Variants in RBX1 observed in about 807,000 individuals in gnomAD.
RBX1 encodes the protein ring-box 1, also known as E3 ubiquitin-protein ligase RBX1.
For missense variants in RBX1, 46 were observed against 141.4 expected (o/e 0.33, Z 3.42); for synonymous variants, 48 against 47.9 (o/e 1.00, Z -0.01).
intron 4 of RBX1, 138 bp downstream of exon 4, chr22:40,968,022 C>A: frequency 9.3e-6 from 4 of 430,702 alleles, no homozygotes; most frequent in Admixed American, 3.5e-5. Flanking sequence ...TAGGACTTAT[C>A]TATATGGAAA....
In RBX1 at chr22:40,964,025, C is replaced by A. The variant is rs769124444; in HGVS notation, c.158-22C>A. ...GTTGCTGCTCCCAAGGTCCAGTGAT[C>A]CTGTTGCTCTTGTTCCCACAGGCAT... On this transcript the variant is annotated intron_variant, in intron 2 of 4. Transcript: ENST00000216225. 2.5e-6 allele frequency: 4 copies of A among 1,604,048 alleles called. No homozygotes were observed. The South Asian group carries it at 4.4e-5, about 18-fold the overall frequency.
intron 1 of RBX1, among the ~76,000 whole-genome samples, chr22:40,951,892 C>T (rs1034506775): frequency 1.3e-5 from 2 of 152,034 alleles, no homozygotes; most frequent in African/African-American, 4.8e-5. Context: ...ACCTGAGGTC[C>T]TACCGCATTA....
In RBX1 at chr22:40,956,566, G is replaced by C. The variant is rs1413594791; in HGVS notation, c.157+2933G>C. On this transcript the variant is annotated intron_variant, in intron 2 of 4. Transcript: ENST00000216225. ...GGGTTTCACCATGTTGGCCAGGCTG[G>C]TCTCAAACTCCTGACCTCAGGTGAT... 2.0e-5 allele frequency among the ~76,000 whole-genome samples: 3 copies of C among 151,654 alleles called. No homozygotes were observed. The East Asian group carries it at 5.9e-4, about 30-fold the overall frequency.
intron 2 of RBX1, among the ~76,000 whole-genome samples, chr22:40,962,577 C>T (rs1475009191): frequency 1.3e-5 from 2 of 150,046 alleles, no homozygotes; most frequent in East Asian, 3.9e-4. Context: ...CTCACTGCAA[C>T]CTCTGCCTCC....
chr22:40,959,678 G>A (rs1222487959), intron 2 of RBX1, among the ~76,000 whole-genome samples: 1 of 152,004 alleles, frequency 6.6e-6, no homozygotes, highest in African/African-American at 2.4e-5. Context: ...AGGCATGGTG[G>A]CGCATGCCTG....
chr22:40,958,857 C>T (rs898994463), intron 2 of RBX1, among the ~76,000 whole-genome samples: 3 of 151,636 alleles, frequency 2.0e-5, no homozygotes, highest in Non-Finnish European at 2.9e-5. Context: ...TCTGTTGCCT[C>T]GGCTGGAGTG....
chr22:40,953,378 A>G (rs748149880), intron 1 of RBX1, among the ~76,000 whole-genome samples, 177 bp from the exon 2 acceptor site: 5 of 152,220 alleles, frequency 3.3e-5, no homozygotes, highest in Admixed American at 1.3e-4. Context: ...AGAATAGAAC[A>G]TACGTGTAGT....
At chr22:40,970,695 A>G (rs191347938) in intron 4 of RBX1, among the ~76,000 whole-genome samples, 1 of 152,256 alleles carries the variant, frequency 6.6e-6, no homozygotes, top group Admixed American at 6.5e-5. Flanking sequence ...ACGGGAAAGG[A>G]GTTTCTTAAT....
At chr22:40,968,402 C>T (rs1035031301) in intron 4 of RBX1, among the ~76,000 whole-genome samples, 1 of 151,986 alleles carries the variant, frequency 6.6e-6, no homozygotes, top group East Asian at 1.9e-4. Flanking sequence ...GTTTCCCAAC[C>T]TTCTACGGTC....
At chr22:40,959,613 C>A (rs1460381890) in intron 2 of RBX1, among the ~76,000 whole-genome samples, 1 of 152,142 alleles carries the variant, frequency 6.6e-6, no homozygotes, top group Non-Finnish European at 1.5e-5. Flanking sequence ...AAGTGCAAGA[C>A]CAGCCTGGGC....
chr22:40,954,051 C>T (rs894406257), intron 2 of RBX1, among the ~76,000 whole-genome samples: 12 of 152,124 alleles, frequency 7.9e-5, no homozygotes, highest in African/African-American at 2.2e-4. Flanking sequence ...GCGGGCAGAT[C>T]ATTTGAGGCC....
At chr22:40,965,108 C>T (rs545510084) in intron 3 of RBX1, among the ~76,000 whole-genome samples, 1 of 152,102 alleles carries the variant, frequency 6.6e-6, no homozygotes, top group Admixed American at 6.5e-5. Flanking sequence ...ATGGAGACAT[C>T]CTGGCTAACA....
intron 2 of RBX1, among the ~76,000 whole-genome samples, chr22:40,957,254 A>G (rs1413286490): frequency 6.6e-6 from 1 of 152,044 alleles, no homozygotes; most frequent in Non-Finnish European, 1.5e-5. Flanking sequence ...CTGAGGCAGG[A>G]GAATCACTTG....
intron 4 of RBX1, among the ~76,000 whole-genome samples, chr22:40,968,085 CT>C (rs938566744): frequency 3.0e-3 from 336 of 111,240 alleles, no homozygotes; most frequent in East Asian, 0.012. Context: ...GTTTCCCAAC[CT>C]TTTTTTTTTT....
At chr22:40,969,411 G>A (rs1162132308) in intron 4 of RBX1, among the ~76,000 whole-genome samples, 5 of 152,166 alleles carry the variant, frequency 3.3e-5, no homozygotes, top group Non-Finnish European at 7.3e-5. Flanking sequence ...TTGTGTAAAT[G>A]TGTAGCTGTA....
At chr22:40,963,532 A>C (rs2058346458) in intron 2 of RBX1, among the ~76,000 whole-genome samples, 1 of 152,102 alleles carries the variant, frequency 6.6e-6, no homozygotes, top group Non-Finnish European at 1.5e-5. Flanking sequence ...GCTACTTGGG[A>C]GTCTGAGACA....
intron 2 of RBX1, among the ~76,000 whole-genome samples, chr22:40,963,613 G>A (rs1169480445): frequency 1.3e-5 from 2 of 152,148 alleles, no homozygotes; most frequent in Non-Finnish European, 2.9e-5. Flanking sequence ...TTCAGCCTGG[G>A]CAACAAGAGG....
intron 2 of RBX1, among the ~76,000 whole-genome samples, chr22:40,957,406 G>A (rs937886976): frequency 8.6e-5 from 13 of 151,756 alleles, no homozygotes; most frequent in Non-Finnish European, 1.8e-4. Flanking sequence ...AAGACTTTGG[G>A]TGGCTGAGGC....
rs1233710085 is a variant in RBX1 at position 40,951,414 on chromosome 22, G to C, written c.16G>C (p.Asp6His). Residue 6 changes from aspartate (D) to histidine (H), a missense_variant, in exon 1 of 5, where the codon GAT (aspartate) becomes CAT (histidine). Transcript: ENST00000216225. Reference protein sequence around the residue: MAAAMDVDTPSGTNSG... With the variant: MAAAMHVDTPSGTNSG... ...TGTTTCCAAAATGGCGGCAGCGATGGATGTGGATACCCCGAGCGGCACCAA... is the reference window on the plus strand; with the variant it reads ...TGTTTCCAAAATGGCGGCAGCGATGCATGTGGATACCCCGAGCGGCACCAA... 6.2e-7 allele frequency: 1 copy of C among 1,613,178 alleles called. No homozygotes were observed. Among genetic ancestry groups the C allele is most frequent in the Non-Finnish European group, 8.5e-7 (1 of 1,179,606 alleles).
Sources: allele counts gnomAD v4.1 joint callset (sites outside exome capture counted in the v4.1 genomes callset), GRCh38; gene constraint gnomAD v4.1.1; transcripts MANE v1.5; gene names NCBI Gene and HGNC (gene_info 2026-07-23, HGNC 2026-07-21).